IDH1: variants seen among roughly 807,000 people sequenced by gnomAD.
The protein encoded by IDH1 is isocitrate dehydrogenase (NADP(+)) 1.
A neutral mutation model predicts 46.1 loss-of-function variants in IDH1; 33 were observed. That is an observed-to-expected ratio of 0.72 (90% confidence interval 0.54 to 0.96). The LOEUF is 0.96. Ranked by LOEUF, IDH1 falls within the 40% of genes least tolerant of loss-of-function variation. The pLI, the probability that IDH1 is intolerant of heterozygous loss-of-function variation, is 0.00. For missense variants in IDH1, 421 were observed against 515.7 expected (o/e 0.82, Z 1.78); for synonymous variants, 144 against 172.8 (o/e 0.83, Z 1.31).
In IDH1 at chr2:208,245,335, C is replaced by A. The variant is rs2124857216; in HGVS notation, c.504G>T (p.Leu168=). The change falls in exon 5 of 10, where the codon CTG becomes CTT. Residue 168 remains leucine (L), a synonymous_variant. Coordinates refer to ENST00000345146, the MANE Select transcript of IDH1 (RefSeq NM_005896.4). ...PSDGTQKVTY[L]VHNFEEGGGV... is the part of the protein sequence containing the mutation. ...CATACATACCTTCAAAGTTATGTACCAGGTATGTCACCTTTTGGGTTCCGT... is the reference window on the plus strand; with the variant it reads ...CATACATACCTTCAAAGTTATGTACAAGGTATGTCACCTTTTGGGTTCCGT... The A allele has an allele frequency of 6.3e-7, 1 of 1,583,544 alleles. No homozygotes were observed. The highest frequency in any genetic ancestry group is 8.7e-7 in the Non-Finnish European group (1 of 1,153,698).
In IDH1 at chr2:208,236,717, G is replaced by A. The variant is rs892271979; in HGVS notation, c.*362C>T. 6.6e-6 allele frequency: 2 copies of A among 303,574 alleles called. No homozygotes were observed. Among genetic ancestry groups the A allele is most frequent in the African/African-American group, 4.3e-5 (2 of 46,384 alleles). 18.8% of individuals were successfully genotyped at this position (303,574 alleles called of 1,614,324 possible). On this transcript the variant is annotated 3_prime_UTR_variant, in exon 10 of 10. Transcript: ENST00000345146. ...GGAAGGCAGTGAATTTCTACTTTAT[G>A]CATATTTTAGGGAGCAATACTGTGG...
chr2:208,240,146 G>T, intron 7 of IDH1, 143 bp from the exon 8 acceptor site: 1 of 867,492 alleles, frequency 1.2e-6, no homozygotes, highest in Admixed American at 2.0e-5. Flanking sequence ...CAATAATTCT[G>T]CCTTTCAGAA....
At chr2:208,238,140 A>C (rs766628444) in intron 9 of IDH1, among the ~76,000 whole-genome samples, 1 of 149,418 alleles carries the variant, frequency 6.7e-6, no homozygotes, top group Non-Finnish European at 1.5e-5. Flanking sequence ...GGTTCACGCC[A>C]TTCTCCTGCC....
At position 208,251,284 on chromosome 2, in the gene IDH1, C is replaced by T. The variant is rs533401517; in HGVS notation, c.122+146G>A. ...TTTTTTAAAGTGATGGGGTCTCACT[C>T]TGTTGCCCAGGCTGGACTTGAATTC... On this transcript the variant is annotated intron_variant, in intron 3 of 9. Coordinates refer to ENST00000345146, the MANE Select transcript of IDH1 (RefSeq NM_005896.4). The T allele has an allele frequency of 1.2e-5, 8 of 657,042 alleles. No homozygotes were observed. The East Asian group carries it at 2.0e-4, about 16-fold the overall frequency. The allele number at this position is 657,042 out of a possible 1,614,324, so 40.7% of individuals were successfully genotyped here. A position where few individuals can be genotyped will look rare whatever the true frequency, so the allele number is the denominator to read the frequency against.
intron 5 of IDH1, 85 bp from the exon 6 acceptor site, chr2:208,243,689 A>C: frequency 9.7e-7 from 1 of 1,031,834 alleles, no homozygotes; most frequent in Non-Finnish European, 1.5e-6. Flanking sequence ...ACCCACCACA[A>C]CCAAATGACC....
chr2:208,247,931 G>A (rs1688052896), intron 4 of IDH1: 1 of 222,444 alleles, frequency 4.5e-6, no homozygotes, highest in African/African-American at 2.4e-5. Context: ...TTTAATTTGT[G>A]TAGGGTGGTA....
chr2:208,252,055 G>C (rs992279772), intron 2 of IDH1, among the ~76,000 whole-genome samples: 1 of 152,186 alleles, frequency 6.6e-6, no homozygotes, highest in African/African-American at 2.4e-5. Flanking sequence ...AGAATGGTGA[G>C]TGCTAGCATT....
At chr2:208,244,565 T>C (rs1020241532) in intron 5 of IDH1, among the ~76,000 whole-genome samples, 2 of 152,242 alleles carry the variant, frequency 1.3e-5, no homozygotes, top group Non-Finnish European at 2.9e-5. Context: ...TTTACAACTA[T>C]TATTGAACTT....
Position 208,239,889 on chromosome 2 carries a change from C to A in IDH1, c.965G>T (p.Gly322Val). 3 of 1,614,174 alleles carry A rather than the reference C, an allele frequency of 1.9e-6. No homozygotes were observed. Among genetic ancestry groups the A allele is most frequent in the Non-Finnish European group, 2.5e-6 (3 of 1,180,034 alleles). Reference protein sequence around the residue: ...VTRHYRMYQKGQETSTNPIAS... With the variant: ...VTRHYRMYQKVQETSTNPIAS... ...AATGGGATTGGTGGACGTCTCCTGT[C>A]CTTTCTGGTACATGCGGTAGTGACG... is the stretch of plus-strand genomic sequence containing the variant. The change falls in exon 8 of 10, where the codon GGA becomes GTA. Residue 322 changes from glycine to valine, a missense_variant. By Grantham distance (109) the Gly-to-Val change is moderately radical. Transcript: ENST00000345146.
rs777599273 is a variant in IDH1, at chr2:208,251,586, T to A, written c.-16-19A>T. 3 of 1,576,070 alleles carry A rather than the reference T, an allele frequency of 1.9e-6. No homozygotes were observed. The highest frequency in any genetic ancestry group is 2.6e-6 in the Non-Finnish European group (3 of 1,149,824). Reference sequence around the variant, plus strand: ...AATAAACCTAAAAAGAAAAAAAAAATACATGCCTTGTCATTTATTTCATTA... The same window carrying A: ...AATAAACCTAAAAAGAAAAAAAAAAAACATGCCTTGTCATTTATTTCATTA... On this transcript the variant is annotated intron_variant, in intron 2 of 9. Coordinates refer to ENST00000345146, the MANE Select transcript of IDH1 (RefSeq NM_005896.4).
intron 3 of IDH1, among the ~76,000 whole-genome samples, chr2:208,251,040 C>T (rs1688112751): frequency 6.6e-6 from 1 of 152,124 alleles, no homozygotes; most frequent in Admixed American, 6.5e-5. Context: ...ATCTGAAAAT[C>T]ATTCTTTCCC....
intron 6 of IDH1, among the ~76,000 whole-genome samples, chr2:208,242,366 A>C (rs1017082134): frequency 6.6e-6 from 1 of 152,202 alleles, no homozygotes; most frequent in African/African-American, 2.4e-5. Flanking sequence ...AATTTTACCC[A>C]CCTTGCAGGG....
chr2:208,243,998 T>C (rs1386359503), intron 5 of IDH1, among the ~76,000 whole-genome samples: 5 of 152,220 alleles, frequency 3.3e-5, no homozygotes. Context: ...TGAAATGTGA[T>C]TCCCAGTGTT....
rs186787509 is a variant in IDH1 at position 208,243,502 on chromosome 2, T to C, written c.623A>G (p.Tyr208Cys). The change falls in exon 6 of 10, where the codon TAT becomes TGT. Residue 208 changes from tyrosine (Y) to cysteine (C), a missense_variant. Tyr to Cys is a radical substitution (Grantham distance 194, BLOSUM62 -2). Coordinates refer to ENST00000345146, the MANE Select transcript of IDH1 (RefSeq NM_005896.4). ...CAGAATAGTGTTTTTGGTGCTCAGA[T>C]ACAAAGGCCAACCCTTAGACAGAGC... The part of the protein sequence containing the change: ...QMALSKGWPL[Y>C]LSTKNTILKK... 37 of 1,614,032 alleles carry C rather than the reference T, an allele frequency of 2.3e-5. No homozygotes were observed. The East Asian group carries it at 6.7e-4, about 29-fold the overall frequency.
rs563354238 is a variant in IDH1, at chr2:208,251,650, C to G, written c.-16-83G>C. 84 of 1,100,804 alleles carry G rather than the reference C, an allele frequency of 7.6e-5. No individual in the cohort carries two copies. The African/African-American group carries it at 1.2e-3, about 16-fold the overall frequency. 68.2% of individuals were successfully genotyped at this position (1,100,804 alleles called of 1,614,324 possible). Reference sequence around the variant, plus strand: ...ATAAACAACGTAGTGTTTATATAAACAACGTAGTGACTACTAAAAGAACAA... The same window carrying G: ...ATAAACAACGTAGTGTTTATATAAAGAACGTAGTGACTACTAAAAGAACAA... On this transcript the variant is annotated intron_variant, in intron 2 of 9. Transcript: ENST00000345146.
intron 6 of IDH1, 35 bp downstream of exon 6, chr2:208,243,392 G>T: frequency 2.0e-6 from 3 of 1,493,754 alleles, no homozygotes; most frequent in South Asian, 1.1e-5. Context: ...GCTTACTTGA[G>T]AATAAAGAAA....
chr2:208,248,213 T>C, intron 4 of IDH1, 156 bp downstream of exon 4: 1 of 659,944 alleles, frequency 1.5e-6, no homozygotes, highest in South Asian at 1.8e-5. Context: ...TAAATGTGTG[T>C]AAATATACAG....
Position 208,251,585 on chromosome 2 carries a change from A to G in IDH1, c.-16-18T>C. 6.3e-7 allele frequency: 1 copy of G among 1,593,270 alleles called. No homozygotes were observed. On this transcript the variant is annotated intron_variant, in intron 2 of 9. Coordinates refer to ENST00000345146, the MANE Select transcript of IDH1 (RefSeq NM_005896.4). ...CAATAAACCTAAAAAGAAAAAAAAA[A>G]TACATGCCTTGTCATTTATTTCATT...
intron 9 of IDH1, among the ~76,000 whole-genome samples, chr2:208,237,510 C>T (rs535732811): frequency 6.6e-6 from 1 of 152,262 alleles, no homozygotes; most frequent in Non-Finnish European, 1.5e-5. Context: ...CTTCCTCATT[C>T]TTAAACATAA....
Sources: allele counts gnomAD v4.1 joint callset (sites outside exome capture counted in the v4.1 genomes callset), GRCh38; gene constraint gnomAD v4.1.1; transcripts MANE v1.5; gene names NCBI Gene and HGNC (gene_info 2026-07-23, HGNC 2026-07-21).